WDR45: variants seen among roughly 807,000 people sequenced by gnomAD.
WDR45 encodes WD repeat domain phosphoinositide-interacting protein 4.
A neutral mutation model predicts 27.3 loss-of-function variants in WDR45; 2 were observed. The ratio of observed to expected loss-of-function variants is 0.07; its 90% confidence interval spans 0.03 to 0.23. The LOEUF (loss-of-function observed/expected upper bound fraction) is 0.23. Among genes scored for constraint, WDR45 ranks in the 10% least tolerant of loss-of-function variants. WDR45 has a pLI of 1.00. For missense variants in WDR45, 175 were observed against 311.9 expected (o/e 0.56, Z 3.31); for synonymous variants, 99 against 119.2 (o/e 0.83, Z 1.11).
intron 2 of WDR45, among the ~76,000 whole-genome samples, chrX:49,097,306 G>A (rs782432041): frequency 4.8e-5 from 5 of 103,552 alleles, no homozygotes; most frequent in Non-Finnish European, 7.8e-5. Flanking sequence ...TCGCCCAGGC[G>A]CCCACCACTA....
At chrX:49,085,397 C>G (rs947087189) in intron 2 of WDR45, among the ~76,000 whole-genome samples, 9 of 112,007 alleles carry the variant, frequency 8.0e-5, no homozygotes, top group African/African-American at 2.9e-4. Context: ...AATGTCTTGT[C>G]TCAGTTGTGG....
At chrX:49,095,759 CTTTTT>C (rs1204267334) in intron 2 of WDR45, among the ~76,000 whole-genome samples, 2 of 26,137 alleles carry the variant, frequency 7.7e-5, no homozygotes, top group Admixed American at 8.0e-4. Flanking sequence ...CGTGCCCGGC[CTTTTT>C]TTTTTTTTTT....
At chrX:49,082,303 C>G (rs1016668082), upstream of WDR45, 1 of 110,945 alleles carries the variant, frequency 9.0e-6, no homozygotes, top group Non-Finnish European at 1.9e-5. Flanking sequence ...TATATAAGAA[C>G]ATCTTTTTAA....
At chrX:49,079,179 CT>C (rs2147818762) in intron 1 of WDR45, 1 of 110,084 alleles carries the variant, frequency 9.1e-6, no homozygotes, top group South Asian at 3.9e-4. Flanking sequence ...CATCTCCTTC[CT>C]TGTGTTCTGC....
intron 2 of WDR45, 22 bp from the exon 3 acceptor site, chrX:49,077,933 G>A (rs1450150511): frequency 4.1e-6 from 5 of 1,211,520 alleles, no homozygotes; most frequent in Non-Finnish European, 5.6e-6. Flanking sequence ...AAGGAATCCA[G>A]ACTGCCTTAA....
upstream of WDR45, among the ~76,000 whole-genome samples, chrX:49,080,963 T>A (rs1321974621): frequency 6.1e-5 from 6 of 98,327 alleles, no homozygotes; most frequent in African/African-American, 2.2e-4. Flanking sequence ...ATTAGCGCGA[T>A]CTTGGCTCAC....
At chrX:49,091,349 G>A (rs180849277) in intron 2 of WDR45, among the ~76,000 whole-genome samples, 365 of 111,677 alleles carry the variant, frequency 3.3e-3, no homozygotes, top group Non-Finnish European at 5.3e-3. Context: ...GCTGAGGCAA[G>A]AGAATCACTT....
At position 49,075,963 on chromosome X, in the gene WDR45, G is replaced by A. The variant is rs782442195; in HGVS notation, c.437-18C>T. 1 of 1,174,435 alleles carries A rather than the reference G, an allele frequency of 8.5e-7. No homozygotes were observed. Among genetic ancestry groups the A allele is most frequent in the Non-Finnish European group, 1.2e-6 (1 of 864,170 alleles). On this transcript the variant is annotated intron_variant, in intron 6 of 10. Transcript: ENST00000376372. ...ACAGAGCCCTAGGGTGTGAAGATGG[G>A]GGGTGGGGTGGGCGGCTGAAGAGGA... is the stretch of plus-strand genomic sequence containing the variant.
chrX:49,078,254 G>C, intron 1 of WDR45, 142 bp from the exon 2 acceptor site: 1 of 571,179 alleles, frequency 1.8e-6, no homozygotes, highest in Non-Finnish European at 2.8e-6. Flanking sequence ...AGGCGTGGTG[G>C]CTTATGCCTG....
rs2065058608 is a variant in WDR45, at chrX:49,079,823, C to T, written c.-90G>A. On this transcript the variant is annotated 5_prime_UTR_variant, in exon 1 of 11. Coordinates refer to ENST00000376372, the MANE Select transcript of WDR45 (RefSeq NM_001029896.2). The stretch of plus-strand genomic sequence containing the variant: ...CGCGTGTCCCTGACCCGGGCCCCAG[C>T]TGTCGGTGCCGCCCGCGGCCCGGTT... 1 of 113,473 alleles carries T rather than the reference C, an allele frequency of 8.8e-6. No homozygotes were observed. The allele number at this position is 113,473 out of a possible 1,213,427, so 9.4% of individuals were successfully genotyped here. A position where few individuals can be genotyped will look rare whatever the true frequency, so the allele number is the denominator to read the frequency against.
intron 2 of WDR45, among the ~76,000 whole-genome samples, chrX:49,087,269 A>C (rs1377496313): frequency 1.8e-5 from 2 of 110,425 alleles, no homozygotes; most frequent in Non-Finnish European, 3.8e-5. Context: ...AGGCACGAGA[A>C]TCTCTTCAAC....
chrX:49,081,983 C>CAAAAA (rs1231706886), upstream of WDR45: 1 of 59,957 alleles, frequency 1.7e-5, no homozygotes, highest in Non-Finnish European at 2.7e-5. Flanking sequence ...ACCCTGTCTC[C>CAAAAA]AAAAAAAAAA....
upstream of WDR45, among the ~76,000 whole-genome samples, chrX:49,080,888 ATTT>A (rs782319738): frequency 9.4e-5 from 4 of 42,394 alleles, no homozygotes; most frequent in Admixed American, 8.3e-4. Context: ...ACTGGAAGGA[ATTT>A]TTTTTTTTTT....
At chrX:49,097,574 C>T (rs1165212501) in intron 2 of WDR45, among the ~76,000 whole-genome samples, 5 of 101,197 alleles carry the variant, frequency 4.9e-5, no homozygotes, top group East Asian at 3.2e-4. Context: ...GTGATCTGCC[C>T]GCCTCGGCCT....
Position 49,074,931 on chromosome X carries a change from T to C in WDR45, c.974-19A>G. On this transcript the variant is annotated intron_variant, in intron 10 of 10. Coordinates refer to ENST00000376372, the MANE Select transcript of WDR45 (RefSeq NM_001029896.2). ...CAGATGGCTGGGGGAGGGGGGGTGG[T>C]AAAAGGTCAGAGGCTGCCACAGCCA... 1 of 1,169,152 alleles carries C rather than the reference T, an allele frequency of 8.6e-7. No individual in the cohort carries two copies. Among genetic ancestry groups the C allele is most frequent in the Non-Finnish European group, 1.2e-6 (1 of 858,017 alleles).
rs142923330 is a variant in WDR45, at chrX:49,076,665, A to G, written c.321T>C (p.Ser107=). ...LEFTFTKPVL[S]VRMRHDKIVI... is the part of the protein sequence containing the mutation. ...CTCACTTGTCATGGCGCATGCGCACAGAAAGCACTGGCTTGGTGAAGGTGA... is the reference window on the plus strand; with the variant it reads ...CTCACTTGTCATGGCGCATGCGCACGGAAAGCACTGGCTTGGTGAAGGTGA... The change falls in exon 5 of 11, where the codon TCT becomes TCC. Residue 107 remains serine, a synonymous_variant. Transcript: ENST00000376372. 2 of 1,209,740 alleles carry G rather than the reference A, an allele frequency of 1.7e-6. No homozygotes were observed. Among genetic ancestry groups the G allele is most frequent in the South Asian group, 1.8e-5 (1 of 56,785 alleles).
chrX:49,095,758 C>T (rs1386400375), intron 2 of WDR45, among the ~76,000 whole-genome samples: 1 of 49,952 alleles, frequency 2.0e-5, no homozygotes, highest in African/African-American at 6.4e-5. Flanking sequence ...CCGTGCCCGG[C>T]CTTTTTTTTT....
chrX:49,095,028 T>A (rs1602551352), intron 2 of WDR45, among the ~76,000 whole-genome samples: 1 of 109,096 alleles, frequency 9.2e-6, no homozygotes, highest in South Asian at 4.3e-4. Context: ...CCTCAGGTGA[T>A]CTGCCTGCCT....
At chrX:49,100,268 T>C (rs2065141143) in exon 2 of WDR45, 1 of 106,489 alleles carries the variant, frequency 9.4e-6, no homozygotes, top group Admixed American at 1.0e-4. Flanking sequence ...GTAGTTTCGC[T>C]CTGTCGCCCA....
Sources: allele counts gnomAD v4.1 joint callset (sites outside exome capture counted in the v4.1 genomes callset), GRCh38; gene constraint gnomAD v4.1.1; transcripts MANE v1.5; gene names NCBI Gene and HGNC (gene_info 2026-07-23, HGNC 2026-07-21).